ZNF800: variants seen among roughly 807,000 people sequenced by gnomAD.
The protein encoded by ZNF800 is zinc finger protein 800.
In ZNF800, 13 loss-of-function variants were observed where a neutral mutation model predicts 59.5. The ratio of observed to expected loss-of-function variants is 0.22; its 90% CI spans 0.14 to 0.35. ZNF800 has a LOEUF of 0.35. Among genes scored for constraint, ZNF800 ranks in the 10% least tolerant of loss-of-function variants. The probability of loss-of-function intolerance (pLI) is 1.00; values close to 1 mark genes in which losing one functional copy is unlikely to be tolerated. For synonymous variants in ZNF800, 266 were observed against 265.7 expected (o/e 1.00, Z -0.01); for missense variants, 621 against 783.7 (o/e 0.79, Z 2.48).
rs904617132 is a variant in ZNF800, at chr7:127,372,817, AT to A, written c.1994+524del. ...TAATCATTTTTAATTCAATTCGGGGATTTTTTTTTCTGAGTGCAGCATTTTA... is the reference window on the plus strand; with the variant it reads ...TAATCATTTTTAATTCAATTCGGGGATTTTTTTTCTGAGTGCAGCATTTTA... On this transcript the variant is annotated intron_variant, in intron 5 of 5. Transcript: ENST00000265827. 2.5e-5 allele frequency: 25 copies of A among 982,470 alleles called. No individual in the cohort carries two copies. In the South Asian group the frequency reaches 3.3e-4, roughly 13 times the overall value. The allele number at this position is 982,470 out of a possible 1,614,324, so 60.9% of individuals were successfully genotyped here.
intron 1 of ZNF800, among the ~76,000 whole-genome samples, chr7:127,351,158 C>A (rs1800160536): frequency 6.6e-6 from 1 of 152,142 alleles, no homozygotes; most frequent in African/African-American, 2.4e-5. Flanking sequence ...CATTTAAGAA[C>A]CTTTGAGTCA....
chr7:127,349,231 G>A (rs1322179742), intron 1 of ZNF800, among the ~76,000 whole-genome samples: 1 of 152,116 alleles, frequency 6.6e-6, no homozygotes, highest in Non-Finnish European at 1.5e-5. Context: ...ATAATTGAAT[G>A]GGATCAAAAC....
chr7:127,392,118 G>A lies in ZNF800; in HGVS notation c.-117C>T. 1 of 393,846 alleles carries A rather than the reference G, an allele frequency of 2.5e-6. No homozygotes were observed. Among genetic ancestry groups the A allele is most frequent in the Non-Finnish European group, 4.5e-6 (1 of 223,092 alleles). 24.4% of individuals were successfully genotyped at this position (393,846 alleles called of 1,614,324 possible). ...AGGAAGGAAGGCAGGCCGGGCGGCC[G>A]CGGGGACAGCCTGGCGTGGGAGGCG... On this transcript the variant is annotated 5_prime_UTR_variant, in exon 1 of 6. Coordinates refer to ENST00000265827, the MANE Select transcript of ZNF800 (RefSeq NM_176814.5).
downstream of ZNF800, among the ~76,000 whole-genome samples, chr7:127,366,949 GA>G (rs1445955937): frequency 6.6e-6 from 1 of 152,134 alleles, no homozygotes; most frequent in African/African-American, 2.4e-5. Context: ...TACAGAAGGG[GA>G]AAGTAGCGGA....
intron 2 of ZNF800, among the ~76,000 whole-genome samples, chr7:127,387,548 A>C (rs1201193778): frequency 6.6e-6 from 1 of 152,226 alleles, no homozygotes; most frequent in Non-Finnish European, 1.5e-5. Flanking sequence ...CATTTCATTA[A>C]GCAAAATTTC....
In ZNF800 at chr7:127,371,482, T is replaced by C. The variant is rs529366127; in HGVS notation, c.*332A>G. On this transcript the variant is annotated 3_prime_UTR_variant, in exon 6 of 6. Coordinates refer to ENST00000265827, the MANE Select transcript of ZNF800 (RefSeq NM_176814.5). ...TATTTTCTTCAGGTTGTTGATCACT[T>C]AATCAACAAATTGTTTAGAAAACAA... 1 of 217,044 alleles carries C rather than the reference T, an allele frequency of 4.6e-6. No homozygotes were observed. The highest frequency in any genetic ancestry group is 1.7e-4 in the South Asian group (1 of 5,756). 13.4% of individuals were successfully genotyped at this position (217,044 alleles called of 1,614,324 possible). A position where few individuals can be genotyped will look rare whatever the true frequency, so the allele number is the denominator to read the frequency against.
In ZNF800 at chr7:127,391,599, T is replaced by C. The variant is rs1241481494; in HGVS notation, c.-42A>G. The C allele has an allele frequency of 1.9e-6, 3 of 1,584,726 alleles. No homozygotes were observed. The Admixed American group carries it at 5.0e-5, about 26-fold the overall frequency. On this transcript the variant is annotated 5_prime_UTR_variant, in exon 2 of 6. Transcript: ENST00000265827. ...CTACTTTGCTTTCACTGTAAGAAGCTCTTCATTGCGGCGTGGCTGTTGAAA... is the reference window on the plus strand; with the variant it reads ...CTACTTTGCTTTCACTGTAAGAAGCCCTTCATTGCGGCGTGGCTGTTGAAA...
chr7:127,362,489 C>G (rs1800413198), intron 1 of ZNF800: 1 of 152,156 alleles, frequency 6.6e-6, no homozygotes, highest in Non-Finnish European at 1.5e-5. Flanking sequence ...AATTTCCCTG[C>G]CTTTGCTACT....
Position 127,392,241 on chromosome 7 carries a change from G to T in ZNF800, c.-240C>A, listed in dbSNP as rs1447091109. ...AAAGAGTCCCCGCCGGCGCTGACGCGGAAGCGCCACAGCTCACCACGTCCC... is the reference window on the plus strand; with the variant it reads ...AAAGAGTCCCCGCCGGCGCTGACGCTGAAGCGCCACAGCTCACCACGTCCC... On this transcript the variant is annotated 5_prime_UTR_variant, in exon 1 of 6. Transcript: ENST00000265827. 2 of 393,822 alleles carry T rather than the reference G, an allele frequency of 5.1e-6. No homozygotes were observed. Among genetic ancestry groups the T allele is most frequent in the South Asian group, 1.3e-4 (1 of 7,824 alleles). The allele number at this position is 393,822 out of a possible 1,614,324, so 24.4% of individuals were successfully genotyped here. A position where few individuals can be genotyped will look rare whatever the true frequency, so the allele number is the denominator to read the frequency against.
chr7:127,378,034 AC>A (rs886204158), intron 3 of ZNF800, among the ~76,000 whole-genome samples: 1 of 152,012 alleles, frequency 6.6e-6, no homozygotes, highest in South Asian at 2.1e-4. Flanking sequence ...CCCTTAAAAC[AC>A]CCCAATTACA....
At chr7:127,386,226 T>A in intron 2 of ZNF800, 71 bp from the exon 3 acceptor site, 2 of 886,330 alleles carry the variant, frequency 2.3e-6, no homozygotes, top group South Asian at 3.0e-5. Context: ...ACTATTAAAG[T>A]AAAACAATGG....
exon 2 of ZNF800, chr7:127,347,419 T>C (rs2117005111): frequency 6.6e-6 from 1 of 151,926 alleles, no homozygotes; most frequent in South Asian, 2.1e-4. Context: ...AACTAGTTTG[T>C]CGATGCCAGG....
intron 5 of ZNF800, chr7:127,372,869 CAAT>C (rs1439704495): frequency 1.0e-6 from 1 of 985,106 alleles, no homozygotes; most frequent in East Asian, 1.1e-4. Flanking sequence ...TTAATTTTTA[CAAT>C]AATTACAGTG....
chr7:127,364,558 G>C (rs777256990), intron 1 of ZNF800: 1 of 152,132 alleles, frequency 6.6e-6, no homozygotes, highest in Non-Finnish European at 1.5e-5. Flanking sequence ...CAGTAACTAG[G>C]TTCAAGGTAG....
At chr7:127,367,132 A>AT (rs1281133465), downstream of ZNF800, among the ~76,000 whole-genome samples, 76 of 151,644 alleles carry the variant, frequency 5.0e-4, 2 homozygotes, top group South Asian at 2.1e-4. Flanking sequence ...AGTTGCACTG[A>AT]TTTTTTTTTC....
chr7:127,346,822 C>G lies in ZNF800; in HGVS notation n.1446G>C, dbSNP rs951991. The G allele has an allele frequency of 4.3e-3, 655 of 152,524 alleles. 5 individuals are homozygous for G. The highest frequency in any genetic ancestry group is 0.015 in the African/African-American group (626 of 41,564). 9.4% of individuals were successfully genotyped at this position (152,524 alleles called of 1,614,324 possible). On this transcript the variant is annotated non_coding_transcript_exon_variant, in exon 2 of 2. Transcript: ENST00000485577. ...TTCATATCATAATACAGGTCTGACACCTGTGAAAGGAGAGGGGAACTGGGC... is the reference window on the plus strand; with the variant it reads ...TTCATATCATAATACAGGTCTGACAGCTGTGAAAGGAGAGGGGAACTGGGC...
intron 2 of ZNF800, among the ~76,000 whole-genome samples, chr7:127,387,733 T>C (rs1801180303): frequency 6.6e-6 from 1 of 152,076 alleles, no homozygotes; most frequent in African/African-American, 2.4e-5. Context: ...TGGTGGCTCA[T>C]GCCTCTAGTC....
intron 3 of ZNF800, among the ~76,000 whole-genome samples, chr7:127,378,913 T>C (rs1317723708): frequency 6.6e-6 from 1 of 152,074 alleles, no homozygotes; most frequent in Non-Finnish European, 1.5e-5. Context: ...TGTTGTAAAA[T>C]AGAACAAACC....
intron 1 of ZNF800, among the ~76,000 whole-genome samples, chr7:127,354,230 A>T (rs536888213): frequency 6.6e-6 from 1 of 152,212 alleles, no homozygotes; most frequent in South Asian, 2.1e-4. Flanking sequence ...TTCCCTTATT[A>T]TTTTTTAACT....
Sources: allele counts gnomAD v4.1 joint callset (sites outside exome capture counted in the v4.1 genomes callset), GRCh38; gene constraint gnomAD v4.1.1; transcripts MANE v1.5; gene names NCBI Gene and HGNC (gene_info 2026-07-23, HGNC 2026-07-21).